The following IKZF1 variants were observed in gnomAD, a reference collection of about 807,000 sequenced individuals.
IKZF1 encodes DNA-binding protein Ikaros.
Under a neutral mutation model 51.7 loss-of-function variants are expected in IKZF1, and 10 were observed. The ratio of observed to expected loss-of-function variants is 0.19; its 90% CI spans 0.12 to 0.33. The LOEUF (loss-of-function observed/expected upper bound fraction) is 0.33, where lower values mean the gene tolerates loss of function less well. IKZF1 is among the 10% of genes least tolerant of loss of function. The pLI is 1.00. For missense variants in IKZF1, 484 were observed against 707.5 expected, an observed-to-expected ratio of 0.68 and a Z score of 3.58; for synonymous variants, 280 against 282.3, an observed-to-expected ratio of 0.99 and a Z score of 0.08.
rs1585045698 is a variant in IKZF1 at position 50,401,934 on chromosome 7, T to C, written c.*1307T>C. ...CACACATACATAGGATGGCTGGCTCTGCACCTGTAGGATATTGGAATGCAC... is the reference window on the plus strand; with the variant it reads ...CACACATACATAGGATGGCTGGCTCCGCACCTGTAGGATATTGGAATGCAC... On this transcript the variant is annotated 3_prime_UTR_variant, in exon 8 of 8. Coordinates refer to ENST00000331340, the MANE Select transcript of IKZF1 (RefSeq NM_006060.6). The C allele has an allele frequency of 8.8e-6, 2 of 226,872 alleles. No homozygotes were observed. Among genetic ancestry groups the C allele is most frequent in the Non-Finnish European group, 1.8e-5 (2 of 114,066 alleles). 14.1% of individuals were successfully genotyped at this position (226,872 alleles called of 1,614,324 possible).
At position 50,379,148 on chromosome 7, in the gene IKZF1, G is replaced by A. The variant is rs187370778; in HGVS notation, c.421+2355G>A. Among the ~76,000 whole-genome samples, 25 of 152,306 alleles carry A rather than the reference G, an allele frequency of 1.6e-4. No homozygotes were observed. In the East Asian group the frequency reaches 4.1e-3, roughly 25 times the overall value. ...GCAGGAGAGCAAGCATTCCTAACAA[G>A]CTCCCAGCTTGTGGAGCACAGAGCC... On this transcript the variant is annotated intron_variant, in intron 4 of 7. Coordinates refer to ENST00000331340, the MANE Select transcript of IKZF1 (RefSeq NM_006060.6).
chr7:50,389,342 A>G (rs1375800156), intron 6 of IKZF1, among the ~76,000 whole-genome samples: 5 of 152,198 alleles, frequency 3.3e-5, no homozygotes, highest in African/African-American at 1.2e-4. Flanking sequence ...ATTCTTCTCT[A>G]TTGGTCTCTA....
chr7:50,357,368 A>T (rs1176643791), intron 3 of IKZF1, among the ~76,000 whole-genome samples: 1 of 31,082 alleles, frequency 3.2e-5, no homozygotes, highest in South Asian at 8.7e-4. Context: ...CGCCAAGTCC[A>T]CTGCTGACCC....
At chr7:50,397,739 C>T (rs895161352) in intron 7 of IKZF1, among the ~76,000 whole-genome samples, 2 of 152,182 alleles carry the variant, frequency 1.3e-5, no homozygotes, top group African/African-American at 4.8e-5. Context: ...TTCAGCAGTG[C>T]TATACAATTA....
chr7:50,374,157 G>T (rs753508297), intron 3 of IKZF1, among the ~76,000 whole-genome samples: 8 of 152,146 alleles, frequency 5.3e-5, no homozygotes, highest in African/African-American at 9.7e-5. Flanking sequence ...TTTCCCTAAA[G>T]AGCTAATAAG....
At chr7:50,346,308 C>G (rs1225052025) in intron 3 of IKZF1, among the ~76,000 whole-genome samples, 1 of 152,190 alleles carries the variant, frequency 6.6e-6, no homozygotes, top group Admixed American at 6.5e-5. Flanking sequence ...TATTGAGAAC[C>G]CTCAGGAGGC....
At chr7:50,344,916 T>C (rs1019851733) in intron 3 of IKZF1, among the ~76,000 whole-genome samples, 19 of 151,974 alleles carry the variant, frequency 1.3e-4, no homozygotes, top group Non-Finnish European at 2.5e-4. Flanking sequence ...AAAAATAAAA[T>C]GTATCATCTA....
At chr7:50,368,135 G>A (rs1251393636) in intron 3 of IKZF1, 2 of 702,810 alleles carry the variant, frequency 2.8e-6, no homozygotes, top group East Asian at 5.4e-5. Flanking sequence ...TATCGTACGT[G>A]CATGTTCCTT....
At chr7:50,387,251 T>A (rs1813644268) in intron 5 of IKZF1, 94 bp from the exon 6 acceptor site, 2 of 1,422,030 alleles carry the variant, frequency 1.4e-6, no homozygotes, top group South Asian at 1.6e-5. Context: ...ATTTTTTTTT[T>A]AACTTTTTTG....
intron 3 of IKZF1, 181 bp downstream of exon 3, chr7:50,327,938 C>T (rs1795493450): frequency 4.3e-6 from 3 of 701,556 alleles, no homozygotes; most frequent in Admixed American, 3.4e-5. Flanking sequence ...AGGATGGACA[C>T]TCACAGGCCA....
intron 3 of IKZF1, 131 bp downstream of exon 3, chr7:50,327,888 G>A: frequency 1.8e-6 from 2 of 1,085,918 alleles, no homozygotes; most frequent in South Asian, 1.7e-5. Context: ...AAGAAATATG[G>A]CACAAAGATC....
At chr7:50,348,812 T>G (rs1801056948) in intron 3 of IKZF1, among the ~76,000 whole-genome samples, 2 of 152,232 alleles carry the variant, frequency 1.3e-5, no homozygotes, top group Admixed American at 1.3e-4. Context: ...AACCATGCAC[T>G]ACAGATGCTA....
At chr7:50,377,673 G>T (rs1215786654) in intron 4 of IKZF1, among the ~76,000 whole-genome samples, 7 of 152,246 alleles carry the variant, frequency 4.6e-5, no homozygotes, top group African/African-American at 1.7e-4. Context: ...GTGCTGGAGT[G>T]TCTTAGAAGT....
intron 2 of IKZF1, among the ~76,000 whole-genome samples, chr7:50,322,809 T>C (rs1793772208): frequency 6.6e-6 from 1 of 152,160 alleles, no homozygotes; most frequent in Admixed American, 6.5e-5. Context: ...CTGAGACAGT[T>C]ATTTTTGCCT....
At chr7:50,361,561 CAT>C (rs1347475091) in intron 3 of IKZF1, among the ~76,000 whole-genome samples, 1 of 152,186 alleles carries the variant, frequency 6.6e-6, no homozygotes, top group Admixed American at 6.5e-5. Context: ...GAAGATTGCA[CAT>C]GGCACCAAAA....
intron 4 of IKZF1, among the ~76,000 whole-genome samples, chr7:50,380,454 C>G (rs1001412034): frequency 1.1e-4 from 17 of 152,210 alleles, no homozygotes; most frequent in Non-Finnish European, 1.8e-4. Context: ...CTGTAGCCCT[C>G]CAGACCTGGG....
At position 50,376,840 on chromosome 7, in the gene IKZF1, T is replaced by C. The variant is rs1810420133; in HGVS notation, c.421+47T>C. The C allele has an allele frequency of 6.2e-7, 1 of 1,603,180 alleles. No homozygotes were observed. The highest frequency in any genetic ancestry group is 1.3e-5 in the African/African-American group (1 of 74,516). On this transcript the variant is annotated intron_variant, in intron 4 of 7. Coordinates refer to ENST00000331340, the MANE Select transcript of IKZF1 (RefSeq NM_006060.6). This position sits in a 1 kb window ranked among gnomAD's most constrained non-coding sequence, Gnocchi z 4.5. ...CCTTTAGTGGCCTGGAGAAGGTGCATGGGGTTTGAAGGAGGAAAGCATCCT... is the reference window on the plus strand; with the variant it reads ...CCTTTAGTGGCCTGGAGAAGGTGCACGGGGTTTGAAGGAGGAAAGCATCCT...
chr7:50,340,855 A>G (rs1002400070), intron 3 of IKZF1, among the ~76,000 whole-genome samples: 1 of 152,240 alleles, frequency 6.6e-6, no homozygotes, highest in Non-Finnish European at 1.5e-5. Flanking sequence ...GATCTAAGTG[A>G]AGTGACTTTC....
At chr7:50,332,312 A>T (rs924436054) in intron 3 of IKZF1, among the ~76,000 whole-genome samples, 1 of 152,054 alleles carries the variant, frequency 6.6e-6, no homozygotes, top group African/African-American at 2.4e-5. Context: ...TCCTTTATAC[A>T]TACATTTTTG....
Sources: allele counts gnomAD v4.1 joint callset (sites outside exome capture counted in the v4.1 genomes callset), GRCh38; gene constraint gnomAD v4.1.1; non-coding constraint Gnocchi (gnomAD v3.1); transcripts MANE v1.5; gene names NCBI Gene and HGNC (gene_info 2026-07-23, HGNC 2026-07-21).